UBAP2L: variants seen among roughly 807,000 people sequenced by gnomAD.
UBAP2L encodes ubiquitin associated protein 2 like.
Under a neutral mutation model 130.6 loss-of-function variants are expected in UBAP2L, and 12 were observed. The ratio of observed to expected loss-of-function variants is 0.09; its 90% CI spans 0.06 to 0.15. UBAP2L has a LOEUF of 0.15. UBAP2L is among the 10% of genes least tolerant of loss of function. UBAP2L has a pLI of 1.00. For synonymous variants in UBAP2L, 503 were observed against 524.7 expected (o/e 0.96, Z 0.57); for missense variants, 965 against 1,332.5 (o/e 0.72, Z 4.29).
At chr1:154,244,996 A>G (rs1674908093) in intron 10 of UBAP2L, among the ~76,000 whole-genome samples, 1 of 152,022 alleles carries the variant, frequency 6.6e-6, no homozygotes, top group Non-Finnish European at 1.5e-5. Flanking sequence ...CAGTGGCACA[A>G]TCTTGGCTCA....
chr1:154,220,373 T>C, upstream of UBAP2L: 1 of 1,614,174 alleles, frequency 6.2e-7, no homozygotes, highest in Non-Finnish European at 8.5e-7. Flanking sequence ...CAGCACGACA[T>C]TCACCCCGGA....
chr1:154,243,435 T>A (rs899097625), intron 10 of UBAP2L, 133 bp downstream of exon 10: 1 of 675,216 alleles, frequency 1.5e-6, no homozygotes, highest in Non-Finnish European at 2.4e-6. Context: ...CATCATTACA[T>A]TCCTCTTAAG....
intron 1 of UBAP2L, 123 bp from the exon 2 acceptor site, chr1:154,224,961 A>C: frequency 3.3e-6 from 2 of 612,876 alleles, no homozygotes; most frequent in South Asian, 4.1e-5. Flanking sequence ...TGTAAGAATA[A>C]ATGAATCTTA....
intron 10 of UBAP2L, 151 bp downstream of exon 10, chr1:154,243,453 A>G (rs1191714879): frequency 8.5e-6 from 5 of 586,010 alleles, no homozygotes; most frequent in Non-Finnish European, 1.1e-5. Flanking sequence ...AAGTTGATGG[A>G]GAGACTTCTT....
chr1:154,249,818 G>A (rs1023933927), intron 12 of UBAP2L, among the ~76,000 whole-genome samples: 2 of 149,004 alleles, frequency 1.3e-5, no homozygotes, highest in African/African-American at 5.0e-5. Flanking sequence ...TGCACCTGTG[G>A]TCCCAGCCCC....
At chr1:154,253,383 A>ATTT (rs1173992099) in intron 14 of UBAP2L, among the ~76,000 whole-genome samples, 13 of 123,778 alleles carry the variant, frequency 1.1e-4, no homozygotes, top group African/African-American at 3.4e-4. Context: ...TGTTTTTAAG[A>ATTT]TTTTTTTTTT....
chr1:154,224,388 G>A (rs1667294554), intron 1 of UBAP2L, among the ~76,000 whole-genome samples: 1 of 152,162 alleles, frequency 6.6e-6, no homozygotes, highest in Admixed American at 6.6e-5. Flanking sequence ...ACCTGTAAAA[G>A]CAGTGTGTTG....
chr1:154,254,023 C>T lies in UBAP2L; in HGVS notation c.1788C>T (p.Ser596=), dbSNP rs200111057. 1,175 of 1,586,760 alleles carry T rather than the reference C, an allele frequency of 7.4e-4. 16 individuals carry two copies. The South Asian group carries it at 0.013, about 17-fold the overall frequency. Residue 596 remains serine, a synonymous_variant, in exon 15 of 27, where the codon TCC becomes TCT. Transcript: ENST00000428931. ...AGGGCCCTCTTTATGAACAGAGATC[C>T]ACACAGACTCGGCGGTACCCCAGCT... ...NAQGPLYEQR[S]TQTRRYPSSI... is the part of the protein sequence containing the mutation.
intron 2 of UBAP2L, among the ~76,000 whole-genome samples, chr1:154,226,473 G>A (rs1022401967): frequency 1.3e-5 from 2 of 152,194 alleles, no homozygotes; most frequent in East Asian, 1.9e-4. Flanking sequence ...TCCCCCTTAC[G>A]CATTTTTCTT....
intron 9 of UBAP2L, among the ~76,000 whole-genome samples, chr1:154,242,110 A>G (rs772318032): frequency 1.3e-5 from 2 of 152,176 alleles, no homozygotes; most frequent in African/African-American, 2.4e-5. Context: ...AGCTTGACTT[A>G]ACTTGGAAAC....
At chr1:154,260,057 A>G in intron 22 of UBAP2L, 28 bp downstream of exon 22, 1 of 1,605,910 alleles carries the variant, frequency 6.2e-7, no homozygotes, top group African/African-American at 1.3e-5. Flanking sequence ...CTAAATAAAT[A>G]AAAAGGGAGA....
chr1:154,236,749 C>G, intron 7 of UBAP2L, 138 bp downstream of exon 7: 1 of 835,074 alleles, frequency 1.2e-6, no homozygotes, highest in East Asian at 2.5e-5. Flanking sequence ...TAGGGATAAA[C>G]CTTTACCACC....
At chr1:154,263,094 T>C (rs1456304882) in intron 24 of UBAP2L, 1 of 1,551,578 alleles carries the variant, frequency 6.4e-7, no homozygotes, top group Admixed American at 2.0e-5. Flanking sequence ...TGTATTTGAT[T>C]CCTTTTAGGA....
chr1:154,228,176 T>G (rs1558121484), intron 3 of UBAP2L, among the ~76,000 whole-genome samples: 1 of 151,922 alleles, frequency 6.6e-6, no homozygotes, highest in Non-Finnish European at 1.5e-5. Flanking sequence ...TCATTTTTCT[T>G]TCTTTCTTTT....
At chr1:154,263,520 C>A in intron 24 of UBAP2L, 1 of 1,031,932 alleles carries the variant, frequency 9.7e-7, no homozygotes, top group Non-Finnish European at 1.2e-6. Context: ...GCGTTCTTTC[C>A]GTGCATGTCT....
intron 10 of UBAP2L, among the ~76,000 whole-genome samples, chr1:154,245,193 G>A (rs1191730209): frequency 6.6e-6 from 1 of 152,148 alleles, no homozygotes. Flanking sequence ...CCAAAGTGCC[G>A]AGTTACAGGT....
chr1:154,220,309 G>A (rs1347301023), upstream of UBAP2L: 5 of 1,612,714 alleles, frequency 3.1e-6, no homozygotes, highest in Admixed American at 1.7e-5. Flanking sequence ...GGTAAGATGC[G>A]ACAGCAGGAA....
At chr1:154,264,749 AT>A (rs538785448) in intron 24 of UBAP2L, among the ~76,000 whole-genome samples, 164 of 149,724 alleles carry the variant, frequency 1.1e-3, no homozygotes, top group African/African-American at 3.7e-3. Flanking sequence ...GCTATTTTTT[AT>A]TTTTTTATTT....
chr1:154,241,876 CAGGT>C (rs1408629900), intron 9 of UBAP2L: 1 of 602,342 alleles, frequency 1.7e-6, no homozygotes, highest in Non-Finnish European at 2.1e-6. Flanking sequence ...TGGAGTTAGG[CAGGT>C]AGTGCATTGA....
Sources: allele counts gnomAD v4.1 joint callset (sites outside exome capture counted in the v4.1 genomes callset), GRCh38; gene constraint gnomAD v4.1.1; transcripts MANE v1.5; gene names NCBI Gene and HGNC (gene_info 2026-07-23, HGNC 2026-07-21).